TMLHE: variants seen among roughly 807,000 people sequenced by gnomAD.
TMLHE encodes trimethyllysine dioxygenase, mitochondrial.
Under a neutral mutation model 25.7 loss-of-function variants are expected in TMLHE, and 18 were observed. The observed-to-expected ratio is 0.70, with a 90% CI of 0.48 to 1.04. The LOEUF is 1.04. Ranked by LOEUF, TMLHE falls within the 50% of genes least tolerant of loss-of-function variation. The pLI, the probability that TMLHE is intolerant of heterozygous loss-of-function variation, is 0.00. For synonymous variants in TMLHE, 105 were observed against 97.0 expected (o/e 1.08, Z -0.49); for missense variants, 236 against 259.0 (o/e 0.91, Z 0.61).
chrX:155,585,379 TAATC>T (rs782486976), intron 1 of TMLHE, among the ~76,000 whole-genome samples: 2 of 104,609 alleles, frequency 1.9e-5, no homozygotes, highest in South Asian at 4.4e-4. Flanking sequence ...AATGGTAAAT[TAATC>T]AAGCAAGAGG....
At chrX:155,515,271 T>C (rs1557334595) in intron 3 of TMLHE, among the ~76,000 whole-genome samples, 1 of 110,769 alleles carries the variant, frequency 9.0e-6, no homozygotes, top group Admixed American at 9.7e-5. Flanking sequence ...ACTTAACATT[T>C]TAACAATTTT....
chrX:155,510,055 T>G (rs2067097363), intron 5 of TMLHE, among the ~76,000 whole-genome samples: 1 of 111,453 alleles, frequency 9.0e-6, no homozygotes, highest in African/African-American at 3.3e-5. Flanking sequence ...TGTGTTTGCA[T>G]GACGACCCTT....
At chrX:155,511,122 T>G (rs2067109373) in intron 5 of TMLHE, among the ~76,000 whole-genome samples, 1 of 111,755 alleles carries the variant, frequency 8.9e-6, no homozygotes, top group East Asian at 2.8e-4. Flanking sequence ...CAAAATCTCA[T>G]GTTGAATTGT....
chrX:155,608,372 GCGTCTGC>G (rs1450795236), intron 1 of TMLHE, among the ~76,000 whole-genome samples: 1 of 6,405 alleles, frequency 1.6e-4, no homozygotes, highest in African/African-American at 1.9e-4. Flanking sequence ...AAACCAGAAG[GCGTCTGC>G]CTTCTTTACA....
intron 1 of TMLHE, among the ~76,000 whole-genome samples, chrX:155,600,252 C>A (rs978104325): frequency 9.0e-6 from 1 of 111,461 alleles, no homozygotes; most frequent in Non-Finnish European, 1.9e-5. Context: ...ACATTCATGG[C>A]GATCAATGTA....
chrX:155,514,131 C>A lies in TMLHE; in HGVS notation c.493G>T (p.Val165Leu), dbSNP rs1557334340. ...GTTTCTAAGAAGCTCTGGCAATCTA[C>A]CGATGGAACTTGGGCTTGCTGGTAG... ...EIYQQAQVPSVDCQSFLETNE... is the reference protein window; with the variant it reads ...EIYQQAQVPSLDCQSFLETNE... The change falls in exon 4 of 8, where the codon GTA (valine) becomes TTA (leucine). Residue 165 changes from valine (V) to leucine (L), a missense_variant. Physicochemically the swap from Val to Leu is conservative, Grantham distance 32. This residue lies in a region of TMLHE where 217 missense variants were observed against 214.6 expected (regional missense o/e 1.01). Transcript: ENST00000334398. The A allele has an allele frequency of 7.4e-6, 9 of 1,211,160 alleles. No individual in the cohort carries two copies. Among genetic ancestry groups the A allele is most frequent in the Non-Finnish European group, 1.0e-5 (9 of 895,224 alleles).
chrX:155,558,002 C>G (rs1449772361), intron 1 of TMLHE, among the ~76,000 whole-genome samples: 1 of 111,691 alleles, frequency 9.0e-6, no homozygotes, highest in Non-Finnish European at 1.9e-5. Flanking sequence ...TCCCTTCAAA[C>G]TTTTTGCACA....
chrX:155,586,974 TA>T (rs1454141379), intron 1 of TMLHE, among the ~76,000 whole-genome samples: 1 of 112,163 alleles, frequency 8.9e-6, no homozygotes, highest in African/African-American at 3.2e-5. Flanking sequence ...GAAACTATTC[TA>T]AAAAATTGAA....
At chrX:155,553,142 A>G (rs1187880576) in intron 1 of TMLHE, among the ~76,000 whole-genome samples, 1 of 110,958 alleles carries the variant, frequency 9.0e-6, no homozygotes. Flanking sequence ...GCAGAAAAGA[A>G]TATGTATTCT....
At chrX:155,601,387 A>G (rs2067755524) in intron 1 of TMLHE, among the ~76,000 whole-genome samples, 1 of 112,380 alleles carries the variant, frequency 8.9e-6, no homozygotes, top group Non-Finnish European at 1.9e-5. Context: ...GGCTTATAAC[A>G]TATTAAGATG....
chrX:155,534,005 T>C (rs782311704), intron 2 of TMLHE, among the ~76,000 whole-genome samples: 13 of 111,886 alleles, frequency 1.2e-4, no homozygotes, highest in Middle Eastern at 4.2e-3. Context: ...AGGGTGTGGC[T>C]GATCCACATT....
At chrX:155,605,121 G>A (rs896274805) in intron 1 of TMLHE, among the ~76,000 whole-genome samples, 2 of 111,900 alleles carry the variant, frequency 1.8e-5, no homozygotes, top group Admixed American at 1.9e-4. Context: ...GATCATTTGA[G>A]ATCCATGAGA....
At chrX:155,538,987 T>C (rs2067295985) in intron 2 of TMLHE, among the ~76,000 whole-genome samples, 1 of 111,290 alleles carries the variant, frequency 9.0e-6, no homozygotes, top group Non-Finnish European at 1.9e-5. Context: ...TATGGAACAA[T>C]TGCCTTTATG....
rs1323995457 is a variant in TMLHE, at chrX:155,568,667, C to T, written c.-1-23390G>A. ...AGAGGAACGATCAGACAGCAGCATTCGCGGTTCATGAAAATCCGCTGTTCT... is the reference window on the plus strand; with the variant it reads ...AGAGGAACGATCAGACAGCAGCATTTGCGGTTCATGAAAATCCGCTGTTCT... On this transcript the variant is annotated intron_variant, in intron 1 of 7. Coordinates refer to ENST00000334398, the MANE Select transcript of TMLHE (RefSeq NM_018196.4). 3.6e-4 allele frequency among the ~76,000 whole-genome samples: 22 copies of T among 61,701 alleles called. 3 individuals are homozygous for T. The highest frequency in any genetic ancestry group is 0.03 in the Middle Eastern group (2 of 67). The allele number at this position is 61,701 out of a possible 115,157, so 53.6% of individuals were successfully genotyped here. A position where few individuals can be genotyped will look rare whatever the true frequency, so the allele number is the denominator to read the frequency against.
In TMLHE at chrX:155,511,877, G is replaced by C; in HGVS notation, c.639-85C>G. 4 of 975,173 alleles carry C rather than the reference G, an allele frequency of 4.1e-6. No individual in the cohort carries two copies. The South Asian group carries it at 1.3e-4, about 31-fold the overall frequency. The allele number at this position is 975,173 out of a possible 1,213,427, so 80.4% of individuals were successfully genotyped here. A position where few individuals can be genotyped will look rare whatever the true frequency, so the allele number is the denominator to read the frequency against. The stretch of plus-strand genomic sequence containing the variant: ...AAAACTCCTTCCAATACCTTCTTTA[G>C]TTACTCACAAATAACAGTAGATTTT... On this transcript the variant is annotated intron_variant, in intron 4 of 7. Transcript: ENST00000334398.
At position 155,604,342 on chromosome X, in the gene TMLHE, G is replaced by A. The variant is rs150798536; in HGVS notation, c.-2+8450C>T. 3.9e-3 allele frequency among the ~76,000 whole-genome samples: 431 copies of A among 110,301 alleles called. 2 individuals carry two copies. Among genetic ancestry groups the A allele is most frequent in the Non-Finnish European group, 6.5e-3 (340 of 52,584 alleles). ...TCATGCCACAGCCAACCTAAGAAGA[G>A]GCTAGTCTGTCTTCCCTGTGAGCTC... is the stretch of plus-strand genomic sequence containing the variant. On this transcript the variant is annotated intron_variant, in intron 1 of 7. Transcript: ENST00000334398.
intron 1 of TMLHE, among the ~76,000 whole-genome samples, chrX:155,556,641 G>T (rs6567765): frequency 5.6e-5 from 6 of 107,967 alleles, no homozygotes; most frequent in African/African-American, 1.0e-4. Context: ...ACCACAGGAC[G>T]GAAGCGAAAT....
chrX:155,596,375 T>A (rs2067720539), intron 1 of TMLHE, among the ~76,000 whole-genome samples: 1 of 111,536 alleles, frequency 9.0e-6, no homozygotes, highest in African/African-American at 3.3e-5. Context: ...AGAACCCCCA[T>A]GAGTTCAACA....
intron 2 of TMLHE, among the ~76,000 whole-genome samples, chrX:155,535,380 A>G (rs1445493466): frequency 5.4e-5 from 6 of 111,773 alleles, no homozygotes; most frequent in African/African-American, 2.0e-4. Flanking sequence ...TGGTGAGGAC[A>G]CTCTTCTTGC....
Sources: allele counts gnomAD v4.1 joint callset (sites outside exome capture counted in the v4.1 genomes callset), GRCh38; gene constraint gnomAD v4.1.1; regional missense constraint gnomAD v4.1.1; transcripts MANE v1.5; gene names NCBI Gene and HGNC (gene_info 2026-07-23, HGNC 2026-07-21).